Variants in SEL1L3 observed in about 807,000 individuals in gnomAD.
SEL1L3 encodes SEL1L family member 3, also known as protein sel-1 homolog 3.
A neutral mutation model predicts 142.8 loss-of-function variants in SEL1L3; 76 were observed. The observed-to-expected ratio is 0.53, with a 90% confidence interval of 0.44 to 0.64. SEL1L3 has a LOEUF of 0.64. Among genes scored for constraint, SEL1L3 ranks in the 30% least tolerant of loss-of-function variants. The probability of loss-of-function intolerance (pLI) is 0.00; values close to 1 mark genes in which losing one functional copy is unlikely to be tolerated. For synonymous variants in SEL1L3, 504 were observed against 519.6 expected (o/e 0.97, Z 0.41); for missense variants, 1,262 against 1,381.7 (o/e 0.91, Z 1.37).
At chr4:25,844,227 C>A (rs1331227308) in intron 2 of SEL1L3, among the ~76,000 whole-genome samples, 3 of 152,226 alleles carry the variant, frequency 2.0e-5, no homozygotes, top group African/African-American at 7.2e-5. Context: ...TGGCCCCCTT[C>A]TATCCCCACA....
rs1306716015 is a variant in SEL1L3, at chr4:25,862,672, C to T, written c.162+3G>A. The T allele has an allele frequency of 6.2e-6, 8 of 1,287,506 alleles. No homozygotes were observed. The East Asian group carries it at 2.3e-4, about 37-fold the overall frequency. The allele number at this position is 1,287,506 out of a possible 1,614,324, so 79.8% of individuals were successfully genotyped here. ...GAAGACCCGGGCAGGGTCCGGCGCT[C>T]ACCAGGTAGCAGAGCAGGAGCAGCG... On this transcript the variant is annotated splice_donor_region_variant and intron_variant, in intron 1 of 23. Coordinates refer to ENST00000399878, the MANE Select transcript of SEL1L3 (RefSeq NM_015187.5).
Position 25,862,761 on chromosome 4 carries a change from G to C in SEL1L3, c.76C>G (p.Arg26Gly). Reference protein sequence around the residue: ...QQPPPLAVGPRAAAMVPSGGV... With the variant: ...QQPPPLAVGPGAAAMVPSGGV... ...CCACTCGGGACCATGGCTGCGGCCC[G>C]GGGGCCGACCGCGAGCGGCGGGGGT... is the stretch of plus-strand genomic sequence containing the variant. The change falls in exon 1 of 24, where the codon CGG becomes GGG. Residue 26 changes from arginine (R) to glycine (G), a missense_variant. This residue lies in a region of SEL1L3 where 689 missense variants were observed against 692.8 expected (regional missense o/e 0.99). Transcript: ENST00000399878. The C allele has an allele frequency of 2.5e-6, 3 of 1,208,030 alleles. No homozygotes were observed. The highest frequency in any genetic ancestry group is 3.1e-6 in the Non-Finnish European group (3 of 973,610). The allele number at this position is 1,208,030 out of a possible 1,614,324, so 74.8% of individuals were successfully genotyped here.
intron 1 of SEL1L3, among the ~76,000 whole-genome samples, chr4:25,851,887 CAAAA>C (rs35600659): frequency 1.7e-5 from 1 of 59,578 alleles, no homozygotes; most frequent in Non-Finnish European, 3.6e-5. Context: ...GACTCTGTCT[CAAAA>C]AAAAAAAAAA....
rs112741935 is a variant in SEL1L3 at position 25,797,193 on chromosome 4, C to CAA, written c.1956+5088_1956+5089dup. On this transcript the variant is annotated intron_variant, in intron 11 of 23. Transcript: ENST00000399878. The stretch of plus-strand genomic sequence containing the variant: ...GAGAAAGGAAGGAAGAAAGGAAGAC[C>CAA]AAAAAAAAAAAACCCTCTAGTTGTT... 4.1e-3 allele frequency among the ~76,000 whole-genome samples: 583 copies of CAA among 140,844 alleles called. 2 individuals are homozygous for CAA. Among genetic ancestry groups the CAA allele is most frequent in the African/African-American group, 0.014 (519 of 38,314 alleles). 92.4% of individuals were successfully genotyped at this position (140,844 alleles called of 152,430 possible).
intron 17 of SEL1L3, among the ~76,000 whole-genome samples, chr4:25,774,868 G>A (rs1320883813): frequency 6.6e-6 from 1 of 151,364 alleles, no homozygotes; most frequent in Non-Finnish European, 1.5e-5. Context: ...AACAACAAAA[G>A]TAGGCAAGAA....
At chr4:25,827,178 C>T (rs1715150362) in intron 6 of SEL1L3, among the ~76,000 whole-genome samples, 2 of 152,050 alleles carry the variant, frequency 1.3e-5, no homozygotes, top group Non-Finnish European at 2.9e-5. Flanking sequence ...ATCATGATTA[C>T]TGTTGAGTTA....
intron 11 of SEL1L3, among the ~76,000 whole-genome samples, chr4:25,792,961 T>A (rs77143595): frequency 0.014 from 2,103 of 152,360 alleles, 50 homozygotes; most frequent in African/African-American, 0.048. Context: ...ATTGATATTC[T>A]TAGGTCTTTC....
chr4:25,772,449 T>C (rs1719292335), intron 17 of SEL1L3, among the ~76,000 whole-genome samples: 1 of 152,166 alleles, frequency 6.6e-6, no homozygotes. Context: ...TTGAACATGT[T>C]CTCCTATGAC....
In SEL1L3 at chr4:25,790,598, G is replaced by C. The variant is rs1461511512; in HGVS notation, c.1957-24C>G. 3.7e-6 allele frequency: 5 copies of C among 1,354,890 alleles called. No homozygotes were observed. The African/African-American group carries it at 7.7e-5, about 21-fold the overall frequency. 83.9% of individuals were successfully genotyped at this position (1,354,890 alleles called of 1,614,324 possible). ...GCCTGAGAAGGAAGGAGGGAAAGAAGGAAGGAGGGAAAGAAGGAAGGAAGG... is the reference window on the plus strand; with the variant it reads ...GCCTGAGAAGGAAGGAGGGAAAGAACGAAGGAGGGAAAGAAGGAAGGAAGG... On this transcript the variant is annotated intron_variant, in intron 11 of 23. Transcript: ENST00000399878.
chr4:25,720,654 G>A, the SEL1L3 span: 3 of 152,194 alleles, frequency 2.0e-5, no homozygotes, highest in African/African-American at 7.2e-5. Context: ...AGTGAGAAAT[G>A]TTGATCCAAT....
the SEL1L3 span, among the ~76,000 whole-genome samples, chr4:25,716,079 T>C: frequency 1.3e-5 from 2 of 151,986 alleles, no homozygotes; most frequent in African/African-American, 4.8e-5. Flanking sequence ...TTTGATATAA[T>C]AAAAGGTATC....
Position 25,833,569 on chromosome 4 carries a change from C to T in SEL1L3, c.861G>A (p.Val287=). 3 of 1,606,206 alleles carry T rather than the reference C, an allele frequency of 1.9e-6. No homozygotes were observed. The highest frequency in any genetic ancestry group is 2.5e-6 in the Non-Finnish European group (3 of 1,177,080). The change falls in exon 4 of 24, where the codon GTG becomes GTA. Residue 287 remains valine, a splice_region_variant and synonymous_variant. Transcript: ENST00000399878. ...AATAAAGCCACAATGAAACAGTAAA[C>T]CTATAAGAGTGAGGGGGAAAAAAAT... is the stretch of plus-strand genomic sequence containing the variant. The part of the protein sequence containing the change: ...ATRRQRMDYP[V]FTVSLWLYLL...
the SEL1L3 span, among the ~76,000 whole-genome samples, chr4:25,741,955 C>G: frequency 1.3e-5 from 2 of 151,734 alleles, no homozygotes; most frequent in Admixed American, 1.3e-4. Context: ...ATTACAGGCA[C>G]CTGCCACCAT....
chr4:25,856,369 C>T (rs1393164316), intron 1 of SEL1L3, among the ~76,000 whole-genome samples: 3 of 152,054 alleles, frequency 2.0e-5, no homozygotes, highest in Non-Finnish European at 2.9e-5. Context: ...GGCATCTGTG[C>T]CCCTCAAATT....
intron 15 of SEL1L3, among the ~76,000 whole-genome samples, chr4:25,780,204 C>G (rs1301019242): frequency 1.3e-5 from 2 of 152,078 alleles, no homozygotes; most frequent in South Asian, 4.1e-4. Context: ...CCTGCTGCCT[C>G]GACCTTCCAA....
chr4:25,728,405 C>CA, the SEL1L3 span, among the ~76,000 whole-genome samples: 1 of 152,110 alleles, frequency 6.6e-6, no homozygotes, highest in Non-Finnish European at 1.5e-5. Context: ...ACCTGGGCAC[C>CA]ATGGGCCATT....
chr4:25,737,540 A>G, the SEL1L3 span, among the ~76,000 whole-genome samples: 1 of 152,124 alleles, frequency 6.6e-6, no homozygotes, highest in Non-Finnish European at 1.5e-5. Flanking sequence ...ATCTAACCCT[A>G]GGCCTCTCAA....
intron 19 of SEL1L3, 103 bp downstream of exon 19, chr4:25,767,422 T>G (rs572390803): frequency 2.9e-6 from 2 of 678,322 alleles, no homozygotes; most frequent in South Asian, 3.7e-5. Context: ...CTTTTCTAAT[T>G]ATTTAGAAAT....
chr4:25,769,615 TC>T (rs745555125), intron 17 of SEL1L3, among the ~76,000 whole-genome samples: 11 of 152,078 alleles, frequency 7.2e-5, no homozygotes, highest in Admixed American at 6.6e-5. Context: ...CAGCAGAAAG[TC>T]CCCCTCATTC....
Sources: gnomAD v4.1 joint callset for allele counts (sites outside exome capture counted in the v4.1 genomes callset) on GRCh38, gnomAD v4.1.1 for gene constraint, gnomAD v4.1.1 regional missense constraint, MANE v1.5 for transcripts, NCBI Gene and HGNC (gene_info 2026-07-23, HGNC 2026-07-21) for gene names.